The following PREX1 variants were observed in gnomAD, a reference collection of about 807,000 sequenced individuals.
The protein encoded by PREX1 is phosphatidylinositol 3,4,5-trisphosphate-dependent Rac exchanger 1 protein.
Under a neutral mutation model 198.3 loss-of-function variants are expected in PREX1, and 41 were observed. The observed-to-expected ratio is 0.21, with a 90% CI of 0.16 to 0.27. The LOEUF (loss-of-function observed/expected upper bound fraction) is 0.27. Ranked by LOEUF, PREX1 falls within the 10% of genes least tolerant of loss-of-function variation. The pLI is 1.00. For missense variants in PREX1, 1,620 were observed against 2,200.7 expected (o/e 0.74, Z 5.28); for synonymous variants, 843 against 887.2 (o/e 0.95, Z 0.89).
chr20:48,701,365 A>G (rs893979938), intron 6 of PREX1, among the ~76,000 whole-genome samples: 2 of 152,072 alleles, frequency 1.3e-5, no homozygotes, highest in Non-Finnish European at 2.9e-5. Flanking sequence ...GGCATGCGCC[A>G]CCATGCCCAG....
At chr20:48,808,654 C>A (rs57568281) in intron 1 of PREX1, among the ~76,000 whole-genome samples, 1 of 152,206 alleles carries the variant, frequency 6.6e-6, no homozygotes, top group African/African-American at 2.4e-5. Context: ...AGCGACACCA[C>A]CTCACTCAGC....
chr20:48,817,913 G>A (rs1254477291), intron 1 of PREX1, among the ~76,000 whole-genome samples: 3 of 152,110 alleles, frequency 2.0e-5, no homozygotes, highest in Non-Finnish European at 1.5e-5. Flanking sequence ...ACATTCCAGC[G>A]AGGGAGGCAG....
At chr20:48,716,992 T>C (rs1288442456) in intron 5 of PREX1, among the ~76,000 whole-genome samples, 1 of 152,208 alleles carries the variant, frequency 6.6e-6, no homozygotes, top group East Asian at 1.9e-4. Context: ...AGACCTACCC[T>C]TGGTCTTTTC....
the PREX1 span, among the ~76,000 whole-genome samples, chr20:48,868,466 G>A: frequency 6.6e-6 from 1 of 152,034 alleles, no homozygotes; most frequent in Non-Finnish European, 1.5e-5. Context: ...TGGGATTACA[G>A]GTGTGTGTCA....
chr20:48,685,185 C>T (rs1043340054), intron 10 of PREX1, among the ~76,000 whole-genome samples: 44 of 152,354 alleles, frequency 2.9e-4, no homozygotes, highest in African/African-American at 1.1e-3. Flanking sequence ...TGGCACATAG[C>T]AGGGACTCGG....
At chr20:48,790,750 A>G (rs1173593959) in intron 1 of PREX1, among the ~76,000 whole-genome samples, 1 of 152,160 alleles carries the variant, frequency 6.6e-6, no homozygotes, top group East Asian at 1.9e-4. Context: ...ATGCCGAGAC[A>G]GTGAAAGTCA....
chr20:48,685,735 A>G (rs1019580929), intron 10 of PREX1, among the ~76,000 whole-genome samples: 1 of 152,188 alleles, frequency 6.6e-6, no homozygotes, highest in Admixed American at 6.5e-5. Context: ...ACAAAAAAAA[A>G]TAAAAATTAG....
intron 2 of PREX1, 33 bp downstream of exon 2, chr20:48,747,776 C>A (rs762568439): frequency 2.5e-6 from 4 of 1,585,500 alleles, no homozygotes; most frequent in East Asian, 2.2e-5. Flanking sequence ...AACACAGATG[C>A]TCTAGAACAG....
At chr20:48,687,023 C>G (rs2089788992) in intron 10 of PREX1, among the ~76,000 whole-genome samples, 1 of 152,214 alleles carries the variant, frequency 6.6e-6, no homozygotes, top group Non-Finnish European at 1.5e-5. Context: ...GTGCCACCTT[C>G]TCGCCAGCAG....
rs766000213 is a variant in PREX1 at position 48,630,744 on chromosome 20, G to A, written c.4577C>T (p.Ala1526Val). 6.3e-6 allele frequency: 10 copies of A among 1,598,308 alleles called. No homozygotes were observed. The highest frequency in any genetic ancestry group is 2.2e-5 in the East Asian group (1 of 44,792). The stretch of plus-strand genomic sequence containing the variant: ...TGGACATACCTGGTCTATCTTTACC[G>A]CCGTGGTGCTGGCATCCGTGGGCAG... Reference protein sequence around the residue: ...SNLPTDASTTAVKIDQLIRPI... With the variant: ...SNLPTDASTTVVKIDQLIRPI... Residue 1526 changes from alanine (A) to valine (V), a missense_variant, in exon 36 of 40, where the codon GCG becomes GTG. By Grantham distance (64) the Ala-to-Val change is moderately conservative (BLOSUM62 0). Around this residue, in one of 7 missense-constraint regions of PREX1, gnomAD observed 476 missense variants for 603.4 expected, o/e 0.79. Coordinates refer to ENST00000371941, the MANE Select transcript of PREX1 (RefSeq NM_020820.4).
chr20:48,645,682 A>G (rs1223266687), intron 26 of PREX1, among the ~76,000 whole-genome samples, 169 bp downstream of exon 26: 1 of 152,176 alleles, frequency 6.6e-6, no homozygotes, highest in Non-Finnish European at 1.5e-5. Flanking sequence ...TGGGTCTTCC[A>G]GGCTCAGGGG....
chr20:48,733,670 C>G (rs961515298), intron 4 of PREX1, among the ~76,000 whole-genome samples: 1 of 124,718 alleles, frequency 8.0e-6, no homozygotes, highest in Non-Finnish European at 1.8e-5. Flanking sequence ...GTCTTAAACT[C>G]CCCAGAAAAG....
At chr20:48,754,054 G>T (rs2122809646) in intron 1 of PREX1, among the ~76,000 whole-genome samples, 1 of 152,342 alleles carries the variant, frequency 6.6e-6, no homozygotes, top group Middle Eastern at 3.4e-3. Flanking sequence ...AGGTGCTCAA[G>T]AGAGACTGGT....
At chr20:48,677,071 G>A (rs946986522) in intron 13 of PREX1, among the ~76,000 whole-genome samples, 3 of 152,206 alleles carry the variant, frequency 2.0e-5, no homozygotes, top group African/African-American at 7.2e-5. Context: ...GCCAGTCCAT[G>A]CCAAGGCTGA....
chr20:48,670,679 A>G (rs1283992643), intron 14 of PREX1, among the ~76,000 whole-genome samples: 4 of 152,090 alleles, frequency 2.6e-5, no homozygotes, highest in Non-Finnish European at 1.5e-5. Context: ...CCTCATCCAT[A>G]TTTTTATTTC....
chr20:48,659,399 T>C (rs1672390285), intron 16 of PREX1, among the ~76,000 whole-genome samples: 1 of 150,022 alleles, frequency 6.7e-6, no homozygotes, highest in Non-Finnish European at 1.5e-5. Flanking sequence ...TTTAATTTTA[T>C]CCTAAGTGTG....
intron 13 of PREX1, 104 bp from the exon 14 acceptor site, chr20:48,676,372 C>T (rs930440911): frequency 1.9e-6 from 2 of 1,074,404 alleles, no homozygotes; most frequent in Admixed American, 1.8e-5. Context: ...CAAGGATCTC[C>T]AGGCTCTCTA....
At chr20:48,749,081 G>A (rs1029628578) in intron 1 of PREX1, among the ~76,000 whole-genome samples, 3 of 152,130 alleles carry the variant, frequency 2.0e-5, no homozygotes, top group Non-Finnish European at 2.9e-5. Context: ...TGGGCTGAGA[G>A]AGTCACAGGG....
chr20:48,807,149 G>A lies in PREX1; in HGVS notation c.219+20493C>T, dbSNP rs553881579. On this transcript the variant is annotated intron_variant, in intron 1 of 39. Coordinates refer to ENST00000371941, the MANE Select transcript of PREX1 (RefSeq NM_020820.4). ...AAATAGTGTGTTAATTAGAACTAGT[G>A]TAGCAATGCCAAAAAAGTATACAAA... 3.9e-5 allele frequency among the ~76,000 whole-genome samples: 6 copies of A among 152,278 alleles called. No individual in the cohort carries two copies. The South Asian group carries it at 1.2e-3, about 32-fold the overall frequency.
Sources: allele counts gnomAD v4.1 joint callset (sites outside exome capture counted in the v4.1 genomes callset), GRCh38; gene constraint gnomAD v4.1.1; regional missense constraint gnomAD v4.1.1; transcripts MANE v1.5; gene names NCBI Gene and HGNC (gene_info 2026-07-23, HGNC 2026-07-21).